SHISA9: variants seen among roughly 807,000 people sequenced by gnomAD.
SHISA9 encodes protein shisa-9.
A neutral mutation model predicts 38.0 loss-of-function variants in SHISA9; 13 were observed. The observed-to-expected ratio is 0.34, with a 90% CI of 0.22 to 0.54. SHISA9 has a LOEUF of 0.54. Ranked by LOEUF, SHISA9 falls within the 20% of genes least tolerant of loss-of-function variation. The pLI, the probability that SHISA9 is intolerant of heterozygous loss-of-function variation, is 0.91. For missense variants in SHISA9, 538 were observed against 575.8 expected, an observed-to-expected ratio of 0.93 and a Z score of 0.67; for synonymous variants, 275 against 242.0, an observed-to-expected ratio of 1.14 and a Z score of -1.27.
chr16:13,102,174 C>G (rs760336791), intron 2 of SHISA9, among the ~76,000 whole-genome samples: 1 of 152,182 alleles, frequency 6.6e-6, no homozygotes, highest in Middle Eastern at 3.2e-3. Flanking sequence ...GTCCTGTCTA[C>G]GAGAACCGAC....
At chr16:13,512,450 A>T in the SHISA9 span, among the ~76,000 whole-genome samples, 1 of 152,224 alleles carries the variant, frequency 6.6e-6, no homozygotes. Flanking sequence ...TATAGATTCA[A>T]TGCTATTCCC....
rs146310216 is a variant in SHISA9, at chr16:13,158,219, G to T, written c.692-45175G>T. 4.5e-3 allele frequency among the ~76,000 whole-genome samples: 690 copies of T among 152,310 alleles called. 3 individuals carry two copies. Among genetic ancestry groups the T allele is most frequent in the African/African-American group, 0.016 (645 of 41,568 alleles). On this transcript the variant is annotated intron_variant, in intron 2 of 4. Coordinates refer to ENST00000558583, the MANE Select transcript of SHISA9 (RefSeq NM_001145204.3). The stretch of plus-strand genomic sequence containing the variant: ...AATGGAGAAGCAGGCTTTGTCTTCA[G>T]ACTGACCAACATTCAGATCCCAGCT...
At chr16:13,017,781 TG>T (rs1277965536) in intron 2 of SHISA9, among the ~76,000 whole-genome samples, 1 of 152,218 alleles carries the variant, frequency 6.6e-6, no homozygotes, top group East Asian at 1.9e-4. Flanking sequence ...TACTTCATTG[TG>T]TGATACCAGT....
At chr16:13,280,512 C>A in the SHISA9 span, among the ~76,000 whole-genome samples, 2 of 151,620 alleles carry the variant, frequency 1.3e-5, no homozygotes, top group Non-Finnish European at 3.0e-5. Flanking sequence ...TCATTTAGTT[C>A]AAAATATTTT....
At chr16:13,195,624 A>G (rs923537992) in intron 2 of SHISA9, among the ~76,000 whole-genome samples, 1 of 152,228 alleles carries the variant, frequency 6.6e-6, no homozygotes, top group Non-Finnish European at 1.5e-5. Flanking sequence ...ATAATTTTAT[A>G]GAGGAGAAAT....
intron 2 of SHISA9, among the ~76,000 whole-genome samples, chr16:13,126,530 AGAGGGAGAGAGAAAGAGACTGAGG>A (rs1391815446): frequency 3.4e-5 from 5 of 145,134 alleles, no homozygotes; most frequent in African/African-American, 1.3e-4. Context: ...ATGGAGGGAG[AGAGGGAGAGAGAAAGAGACTGAGG>A]GAGGGAGAGA....
chr16:13,051,615 G>T (rs574576404), intron 2 of SHISA9, among the ~76,000 whole-genome samples: 19 of 152,212 alleles, frequency 1.2e-4, no homozygotes, highest in African/African-American at 4.6e-4. Flanking sequence ...ATTGTGCTAG[G>T]TAGGGCAAGA....
At chr16:13,339,700 C>G in the SHISA9 span, among the ~76,000 whole-genome samples, 1 of 152,128 alleles carries the variant, frequency 6.6e-6, no homozygotes, top group African/African-American at 2.4e-5. Flanking sequence ...GTTTAACCAT[C>G]TGGACTTTGA....
chr16:12,914,628 A>G (rs1178194990), intron 1 of SHISA9, among the ~76,000 whole-genome samples: 1 of 152,058 alleles, frequency 6.6e-6, no homozygotes, highest in South Asian at 2.1e-4. Context: ...AAGCATGTGC[A>G]CTAGTCCACG....
intron 4 of SHISA9, among the ~76,000 whole-genome samples, chr16:13,219,456 G>A (rs2051201485): frequency 6.6e-6 from 1 of 152,190 alleles, no homozygotes; most frequent in Non-Finnish European, 1.5e-5. Context: ...CCATGTGACA[G>A]TCTTTGAGCT....
the SHISA9 span, among the ~76,000 whole-genome samples, chr16:13,304,454 T>G: frequency 6.6e-6 from 1 of 152,136 alleles, no homozygotes; most frequent in Admixed American, 6.5e-5. Flanking sequence ...GAGAGGGTTT[T>G]GCCGTGTTGC....
chr16:13,152,043 G>A (rs1283304085), intron 2 of SHISA9, among the ~76,000 whole-genome samples: 1 of 152,164 alleles, frequency 6.6e-6, no homozygotes, highest in South Asian at 2.1e-4. Context: ...AATTGTGTGA[G>A]AAGAAGATCA....
intron 2 of SHISA9, among the ~76,000 whole-genome samples, chr16:13,006,352 A>T (rs2072597984): frequency 6.6e-6 from 1 of 152,108 alleles, no homozygotes; most frequent in African/African-American, 2.4e-5. Context: ...GTCTAGAGGG[A>T]GGAGAAGGGT....
Position 13,203,510 on chromosome 16 carries a change from G to A in SHISA9, c.808G>A (p.Gly270Arg), listed in dbSNP as rs574616364. The A allele has an allele frequency of 6.5e-7, 1 of 1,547,096 alleles. No homozygotes were observed. The highest frequency in any genetic ancestry group is 1.4e-5 in the African/African-American group (1 of 72,950). ...CAACCCCTATGAACAGCAGCCACCA[G>A]GAAAAGAGCTCAACAAGTACGCCTC... ...ISNPYEQQPP[G>R]KELNKYASLK... Residue 270 changes from glycine to arginine, a missense_variant, in exon 3 of 5, where the codon GGA becomes AGA. By Grantham distance (125) the Gly-to-Arg change is moderately radical. Around this residue, in one of 4 missense-constraint regions of SHISA9, gnomAD observed 326 missense variants for 305.9 expected, o/e 1.07. Transcript: ENST00000558583.
At chr16:13,113,324 C>T (rs1195772314) in intron 2 of SHISA9, among the ~76,000 whole-genome samples, 1 of 152,028 alleles carries the variant, frequency 6.6e-6, no homozygotes, top group African/African-American at 2.4e-5. Flanking sequence ...ATGGCTCCCT[C>T]AAGGGGCCAG....
chr16:13,435,263 A>C, the SHISA9 span, among the ~76,000 whole-genome samples: 1 of 151,698 alleles, frequency 6.6e-6, no homozygotes, highest in Non-Finnish European at 1.5e-5. Flanking sequence ...TGAGATAACT[A>C]TATGTCAGGA....
the SHISA9 span, among the ~76,000 whole-genome samples, chr16:13,266,356 T>C: frequency 6.6e-6 from 1 of 152,234 alleles, no homozygotes; most frequent in African/African-American, 2.4e-5. Context: ...AATTTAGTTT[T>C]CTTATATGGG....
chr16:12,963,559 CA>C (rs2071938885), intron 2 of SHISA9, among the ~76,000 whole-genome samples: 1 of 152,194 alleles, frequency 6.6e-6, no homozygotes, highest in African/African-American at 2.4e-5. Flanking sequence ...TATTATGTGC[CA>C]AGTGCCTTCC....
At chr16:13,498,648 T>C in the SHISA9 span, among the ~76,000 whole-genome samples, 4 of 151,970 alleles carry the variant, frequency 2.6e-5, no homozygotes, top group African/African-American at 7.3e-5. Flanking sequence ...TCCCAACTAC[T>C]TGGGAGGCTG....
Sources: gnomAD v4.1 joint callset for allele counts (sites outside exome capture counted in the v4.1 genomes callset) on GRCh38, gnomAD v4.1.1 for gene constraint, gnomAD v4.1.1 regional missense constraint, MANE v1.5 for transcripts, NCBI Gene and HGNC (gene_info 2026-07-23, HGNC 2026-07-21) for gene names.